FKTN: variants seen among roughly 807,000 people sequenced by gnomAD.
FKTN encodes ribitol-5-phosphate transferase FKTN.
FKTN carries 47 observed loss-of-function variants against 58.6 expected under a neutral mutation model. The ratio of observed to expected loss-of-function variants is 0.80; its 90% CI spans 0.63 to 1.02. FKTN has a LOEUF of 1.02. Ranked by LOEUF, FKTN falls within the 50% of genes least tolerant of loss-of-function variation. The probability of loss-of-function intolerance (pLI) is 0.00; values close to 1 mark genes in which losing one functional copy is unlikely to be tolerated. For synonymous variants in FKTN, 178 were observed against 191.9 expected, an observed-to-expected ratio of 0.93 and a Z score of 0.60; for missense variants, 516 against 537.3, an observed-to-expected ratio of 0.96 and a Z score of 0.39.
At chr9:105,565,320 G>T (rs993735161) in intron 1 of FKTN, among the ~76,000 whole-genome samples, 1 of 152,086 alleles carries the variant, frequency 6.6e-6, no homozygotes, top group African/African-American at 2.4e-5. Flanking sequence ...AATGTAAATG[G>T]GCTAAATGCC....
intron 6 of FKTN, among the ~76,000 whole-genome samples, chr9:105,605,782 A>G (rs148748128): frequency 4.6e-4 from 70 of 152,266 alleles, no homozygotes; most frequent in African/African-American, 1.5e-3. Context: ...GGGATGGTTA[A>G]TGGGTACAAA....
At chr9:105,578,558 T>A (rs1842217420) in intron 3 of FKTN, among the ~76,000 whole-genome samples, 2 of 150,214 alleles carry the variant, frequency 1.3e-5, no homozygotes, top group South Asian at 4.3e-4. Flanking sequence ...GATGTGCTGC[T>A]GGATTCGGTT....
intron 10 of FKTN, among the ~76,000 whole-genome samples, chr9:105,632,291 A>G (rs917054812): frequency 6.6e-6 from 1 of 152,024 alleles, no homozygotes; most frequent in Non-Finnish European, 1.5e-5. Context: ...GGCGGGAGGG[A>G]TAGCATCGGG....
At chr9:105,613,076 C>T (rs2133048354) in intron 7 of FKTN, among the ~76,000 whole-genome samples, 1 of 152,208 alleles carries the variant, frequency 6.6e-6, no homozygotes, top group Admixed American at 6.5e-5. Flanking sequence ...ACTATCAGAC[C>T]TGATGTTTTT....
intron 10 of FKTN, among the ~76,000 whole-genome samples, chr9:105,620,775 ATAG>A (rs58977246): frequency 0.34 from 49,977 of 145,222 alleles, 9,170 homozygotes; most frequent in South Asian, 0.51. Context: ...TAATACTACT[ATAG>A]TAGTAGTAGT....
At chr9:105,568,286 A>G (rs1004052053) in intron 1 of FKTN, among the ~76,000 whole-genome samples, 23 of 152,362 alleles carry the variant, frequency 1.5e-4, no homozygotes, top group Non-Finnish European at 2.1e-4. Context: ...GACAAAATTG[A>G]CAAAAGGGAG....
At chr9:105,630,125 C>T (rs1325240502) in intron 10 of FKTN, among the ~76,000 whole-genome samples, 2 of 151,936 alleles carry the variant, frequency 1.3e-5, no homozygotes, top group Non-Finnish European at 2.9e-5. Context: ...GGGTGCAGCA[C>T]ACCAACATGG....
intron 10 of FKTN, among the ~76,000 whole-genome samples, chr9:105,626,663 A>G (rs1254742819): frequency 4.6e-5 from 7 of 152,190 alleles, no homozygotes; most frequent in Non-Finnish European, 1.0e-4. Context: ...CATATTGTTT[A>G]CAAATAGTTT....
rs1000568700 is a variant in FKTN, at chr9:105,638,333, G to A, written c.*3069G>A. The stretch of plus-strand genomic sequence containing the variant: ...GATTGAGAACCTAAGGCGACAGAGA[G>A]GTCAAGGGGAAGTATTTTCTAGTTC... On this transcript the variant is annotated 3_prime_UTR_variant, in exon 11 of 11. Transcript: ENST00000357998. 6.1e-6 allele frequency: 6 copies of A among 985,264 alleles called. No individual in the cohort carries two copies. Among genetic ancestry groups the A allele is most frequent in the African/African-American group, 5.2e-5 (3 of 57,220 alleles). The allele number at this position is 985,264 out of a possible 1,614,324, so 61.0% of individuals were successfully genotyped here. A position where few individuals can be genotyped will look rare whatever the true frequency, so the allele number is the denominator to read the frequency against.
intron 4 of FKTN, among the ~76,000 whole-genome samples, chr9:105,599,848 T>C (rs906173331): frequency 6.6e-5 from 10 of 152,176 alleles, no homozygotes; most frequent in Non-Finnish European, 1.0e-4. Flanking sequence ...TATTTTCTCC[T>C]GCTCCATTTT....
intron 1 of FKTN, among the ~76,000 whole-genome samples, chr9:105,564,450 T>G (rs990137975): frequency 6.6e-6 from 1 of 152,164 alleles, no homozygotes; most frequent in Non-Finnish European, 1.5e-5. Context: ...GAGAAGTCCT[T>G]AAAGGACCTG....
intron 1 of FKTN, among the ~76,000 whole-genome samples, chr9:105,563,139 A>G (rs1395291054): frequency 1.3e-5 from 2 of 152,200 alleles, no homozygotes; most frequent in Non-Finnish European, 2.9e-5. Context: ...ACAAATGCAA[A>G]TGTAAAAAGG....
At chr9:105,562,999 ATCAT>A (rs942949004) in intron 1 of FKTN, among the ~76,000 whole-genome samples, 1 of 152,138 alleles carries the variant, frequency 6.6e-6, no homozygotes, top group Non-Finnish European at 1.5e-5. Flanking sequence ...CTCTTGATAT[ATCAT>A]TCATTCATTC....
chr9:105,596,679 T>C, intron 4 of FKTN, 22 bp downstream of exon 4: 1 of 1,524,788 alleles, frequency 6.6e-7, no homozygotes, highest in Non-Finnish European at 9.1e-7. Flanking sequence ...AAACAAGAAA[T>C]TTCTCAATTA....
chr9:105,584,222 T>G (rs1212423234), intron 3 of FKTN, among the ~76,000 whole-genome samples: 1 of 152,212 alleles, frequency 6.6e-6, no homozygotes, highest in Non-Finnish European at 1.5e-5. Flanking sequence ...ATGCATGTTA[T>G]ACAGAAAGAA....
At position 105,639,340 on chromosome 9, in the gene FKTN, A is replaced by G. The variant is rs1287437512; in HGVS notation, c.*4076A>G. The G allele has an allele frequency of 1.1e-6, 1 of 950,896 alleles. No individual in the cohort carries two copies. Among genetic ancestry groups the G allele is most frequent in the African/African-American group, 1.8e-5 (1 of 56,488 alleles). 58.9% of individuals were successfully genotyped at this position (950,896 alleles called of 1,614,324 possible). A position where few individuals can be genotyped will look rare whatever the true frequency, so the allele number is the denominator to read the frequency against. ...AATGTGTTGCCATAAAAAGACCACA[A>G]GCTTTTGAGTTAGGCCTGAATTTGA... is the stretch of plus-strand genomic sequence containing the variant. On this transcript the variant is annotated 3_prime_UTR_variant, in exon 11 of 11. Transcript: ENST00000357998.
chr9:105,569,761 G>A (rs1444308868), intron 1 of FKTN, among the ~76,000 whole-genome samples: 1 of 152,056 alleles, frequency 6.6e-6, no homozygotes, highest in Non-Finnish European at 1.5e-5. Flanking sequence ...AGATTATTGG[G>A]CTACTTAAAC....
At chr9:105,585,277 T>C (rs1263603590) in intron 3 of FKTN, among the ~76,000 whole-genome samples, 1 of 151,968 alleles carries the variant, frequency 6.6e-6, no homozygotes, top group African/African-American at 2.4e-5. Flanking sequence ...ATAAGAAAAT[T>C]AGCTGGTTGT....
At chr9:105,567,757 C>G (rs1332524178) in intron 1 of FKTN, among the ~76,000 whole-genome samples, 1 of 152,198 alleles carries the variant, frequency 6.6e-6, no homozygotes, top group Non-Finnish European at 1.5e-5. Context: ...CATCAAGCTA[C>G]CAATGACTTT....
Sources: gnomAD v4.1 joint callset for allele counts (sites outside exome capture counted in the v4.1 genomes callset) on GRCh38, gnomAD v4.1.1 for gene constraint, MANE v1.5 for transcripts, NCBI Gene and HGNC (gene_info 2026-07-23, HGNC 2026-07-21) for gene names.